Variants in SPATA17 observed in about 807,000 individuals in gnomAD.
The protein encoded by SPATA17 is spermatogenesis-associated protein 17.
A neutral mutation model predicts 62.2 loss-of-function variants in SPATA17; 53 were observed. The observed-to-expected ratio is 0.85, with a 90% CI of 0.68 to 1.07. The LOEUF (loss-of-function observed/expected upper bound fraction) is 1.07, where lower values mean the gene tolerates loss of function less well. SPATA17 is among the 50% of genes least tolerant of loss of function. The pLI is 0.00. For missense variants in SPATA17, 466 were observed against 425.5 expected (o/e 1.10, Z -0.84); for synonymous variants, 146 against 146.8 (o/e 0.99, Z 0.04).
intron 9 of SPATA17, among the ~76,000 whole-genome samples, chr1:217,854,647 A>C (rs2103013604): frequency 6.6e-6 from 1 of 152,228 alleles, no homozygotes; most frequent in African/African-American, 2.4e-5. Context: ...AAATACTTTG[A>C]AACCCAGGTA....
At chr1:217,772,263 G>A (rs1673467225) in intron 6 of SPATA17, among the ~76,000 whole-genome samples, 1 of 152,054 alleles carries the variant, frequency 6.6e-6, no homozygotes, top group Non-Finnish European at 1.5e-5. Context: ...CTGTTATAGT[G>A]AGAACATGTT....
intron 6 of SPATA17, among the ~76,000 whole-genome samples, chr1:217,742,670 A>C (rs11117919): frequency 0.18 from 27,169 of 152,152 alleles, 3,373 homozygotes; most frequent in East Asian, 0.54. Context: ...TGTCCTGGTT[A>C]CTAGGAAAGA....
intron 4 of SPATA17, among the ~76,000 whole-genome samples, chr1:217,680,688 G>A (rs1671058897): frequency 1.3e-5 from 2 of 152,048 alleles, no homozygotes; most frequent in African/African-American, 4.8e-5. Flanking sequence ...ACTTTGGGAG[G>A]CCAAGGCGGG....
chr1:217,855,032 T>G lies in SPATA17; in HGVS notation c.1006-7742T>G, dbSNP rs191202403. On this transcript the variant is annotated intron_variant, in intron 9 of 10. Transcript: ENST00000366933. ...CCCCTTCTTGAGCATTTTCTTGCAG[T>G]ACCTCATTATTTGGATGCATTCAGT... is the stretch of plus-strand genomic sequence containing the variant. Among the ~76,000 whole-genome samples the G allele has an allele frequency of 5.1e-3, 772 of 152,344 alleles. 10 individuals are homozygous for G. Among genetic ancestry groups the G allele is most frequent in the Non-Finnish European group, 7.7e-3 (525 of 68,022 alleles).
intron 9 of SPATA17, among the ~76,000 whole-genome samples, chr1:217,856,169 C>A (rs901583531): frequency 6.6e-6 from 1 of 152,066 alleles, no homozygotes; most frequent in Non-Finnish European, 1.5e-5. Context: ...ATATAAATGA[C>A]CTTTGATTAG....
chr1:217,763,032 T>C (rs1365234617), intron 6 of SPATA17, among the ~76,000 whole-genome samples: 2 of 152,308 alleles, frequency 1.3e-5, no homozygotes, highest in Non-Finnish European at 2.9e-5. Flanking sequence ...GCTTCAAAGA[T>C]TCTGAATGAG....
chr1:217,839,326 C>T (rs2103005860), intron 9 of SPATA17, among the ~76,000 whole-genome samples: 1 of 152,200 alleles, frequency 6.6e-6, no homozygotes, highest in East Asian at 1.9e-4. Flanking sequence ...CCCACCAGTT[C>T]TAACAAATTG....
intron 5 of SPATA17, among the ~76,000 whole-genome samples, chr1:217,721,482 G>T (rs1356796523): frequency 6.6e-6 from 1 of 152,132 alleles, no homozygotes; most frequent in African/African-American, 2.4e-5. Flanking sequence ...GGGTCTGGTG[G>T]CTTTCCTTAG....
At chr1:217,821,655 T>C (rs1039903462) in intron 9 of SPATA17, among the ~76,000 whole-genome samples, 1 of 152,040 alleles carries the variant, frequency 6.6e-6, no homozygotes. Context: ...GAGGAATAGC[T>C]GTAGGGAGAT....
chr1:217,839,526 G>A (rs1675340398), intron 9 of SPATA17, among the ~76,000 whole-genome samples: 1 of 151,820 alleles, frequency 6.6e-6, no homozygotes, highest in Non-Finnish European at 1.5e-5. Flanking sequence ...AGCTTAGACT[G>A]TTTTTTGAAA....
chr1:217,766,720 C>CTTTTTTTTTT (rs71167423), intron 6 of SPATA17, among the ~76,000 whole-genome samples: 1 of 131,398 alleles, frequency 7.6e-6, no homozygotes, highest in African/African-American at 2.9e-5. Context: ...ATATCGTTCT[C>CTTTTTTTTTT]TTTTTTTTTT....
chr1:217,834,094 T>C (rs12037679), intron 9 of SPATA17, among the ~76,000 whole-genome samples: 46,041 of 151,944 alleles, frequency 0.3, 7,468 homozygotes, highest in African/African-American at 0.4. Context: ...TCCCATAAGA[T>C]TATAAGGAAG....
intron 9 of SPATA17, among the ~76,000 whole-genome samples, chr1:217,836,854 A>G (rs1045746936): frequency 1.3e-5 from 2 of 152,136 alleles, no homozygotes; most frequent in African/African-American, 4.8e-5. Context: ...TTATTTTACT[A>G]TCTTATAATT....
chr1:217,668,241 T>C (rs1240797024), intron 3 of SPATA17, among the ~76,000 whole-genome samples: 1 of 152,200 alleles, frequency 6.6e-6, no homozygotes. Context: ...ATTATATTAA[T>C]TTTATATTTT....
In SPATA17 at chr1:217,871,484, T is replaced by C. The variant is rs931602716; in HGVS notation, c.*4465T>C. 2.0e-5 allele frequency: 3 copies of C among 152,154 alleles called. No homozygotes were observed. The highest frequency in any genetic ancestry group is 7.2e-5 in the African/African-American group (3 of 41,448). The allele number at this position is 152,154 out of a possible 1,614,324, so 9.4% of individuals were successfully genotyped here. ...CTTTTAGGAACAATAAGTTACTGAA[T>C]TATATGAACCTATTTGAGGTAATGA... On this transcript the variant is annotated 3_prime_UTR_variant, in exon 11 of 11. Coordinates refer to ENST00000366933, the MANE Select transcript of SPATA17 (RefSeq NM_138796.4).
intron 9 of SPATA17, among the ~76,000 whole-genome samples, chr1:217,832,678 C>T (rs985208961): frequency 2.0e-5 from 3 of 152,088 alleles, no homozygotes; most frequent in Non-Finnish European, 2.9e-5. Context: ...CACAGTTGCT[C>T]ATGTCTGTAA....
rs190607078 is a variant in SPATA17, at chr1:217,817,505, A to G, written c.1005+15655A>G. On this transcript the variant is annotated intron_variant, in intron 9 of 10. Transcript: ENST00000366933. Reference sequence around the variant, plus strand: ...TCCCCAGCCCTGTGGATCTGAGTCAATTAAACCTCTTTCCTTTATAATTTA... The same window carrying G: ...TCCCCAGCCCTGTGGATCTGAGTCAGTTAAACCTCTTTCCTTTATAATTTA... Among the ~76,000 whole-genome samples the G allele has an allele frequency of 1.4e-4, 21 of 152,134 alleles. No homozygotes were observed. The East Asian group carries it at 3.7e-3, about 27-fold the overall frequency.
In SPATA17 at chr1:217,635,015, ACT is replaced by A. The variant is rs570602248; in HGVS notation, c.68+3570_68+3571del. Reference sequence around the variant, plus strand: ...TCTTTGTGACTTATTGGTCATTTATACTATACACTACACTGTACTTTGTGGAG... The same window carrying A: ...TCTTTGTGACTTATTGGTCATTTATAATACACTACACTGTACTTTGTGGAG... On this transcript the variant is annotated intron_variant, in intron 1 of 10. Coordinates refer to ENST00000366933, the MANE Select transcript of SPATA17 (RefSeq NM_138796.4). Among the ~76,000 whole-genome samples, 655 of 152,246 alleles carry A rather than the reference ACT, an allele frequency of 4.3e-3. 5 individuals carry two copies. Among genetic ancestry groups the A allele is most frequent in the African/African-American group, 0.015 (628 of 41,536 alleles).
chr1:217,842,979 T>A (rs570391512), intron 9 of SPATA17, among the ~76,000 whole-genome samples: 1 of 152,144 alleles, frequency 6.6e-6, no homozygotes, highest in South Asian at 2.1e-4. Context: ...TTGACTCATA[T>A]CTTGTTTAGA....
Sources: gnomAD v4.1 joint callset for allele counts (sites outside exome capture counted in the v4.1 genomes callset) on GRCh38, gnomAD v4.1.1 for gene constraint, MANE v1.5 for transcripts, NCBI Gene and HGNC (gene_info 2026-07-23, HGNC 2026-07-21) for gene names.